Variants in PICALM observed in about 807,000 individuals in gnomAD.
The protein encoded by PICALM is phosphatidylinositol binding clathrin assembly protein, also known as phosphatidylinositol-binding clathrin assembly protein.
Under a neutral mutation model 80.5 loss-of-function variants are expected in PICALM, and 40 were observed. The ratio of observed to expected loss-of-function variants is 0.50; its 90% CI spans 0.39 to 0.65. The LOEUF (loss-of-function observed/expected upper bound fraction) is 0.65, where lower values mean the gene tolerates loss of function less well. Among genes scored for constraint, PICALM ranks in the 30% least tolerant of loss-of-function variants. The pLI is 0.00. For missense variants in PICALM, 676 were observed against 778.9 expected (o/e 0.87, Z 1.57); for synonymous variants, 288 against 260.3 (o/e 1.11, Z -1.02).
At chr11:85,969,372 T>C (rs770174206) in intron 19 of PICALM, among the ~76,000 whole-genome samples, 5 of 152,158 alleles carry the variant, frequency 3.3e-5, no homozygotes, top group Non-Finnish European at 5.9e-5. Flanking sequence ...AGGAAGAATT[T>C]TGGGAACAGC....
intron 12 of PICALM, among the ~76,000 whole-genome samples, chr11:85,993,240 C>T (rs556884800): frequency 6.6e-6 from 1 of 152,052 alleles, no homozygotes; most frequent in Non-Finnish European, 1.5e-5. Context: ...GTGTATGGCA[C>T]CATGCCTGGC....
At chr11:85,974,355 T>C (rs1252131112) in intron 19 of PICALM, 2 of 417,322 alleles carry the variant, frequency 4.8e-6, no homozygotes, top group Admixed American at 2.7e-5. Context: ...TTCTAGCCAT[T>C]AGCCAAGGAA....
intron 1 of PICALM, among the ~76,000 whole-genome samples, chr11:86,063,568 A>C (rs2096400608): frequency 1.3e-5 from 2 of 152,196 alleles, no homozygotes; most frequent in Non-Finnish European, 2.9e-5. Context: ...TTAACTAGAC[A>C]TATCTGGGAG....
At chr11:85,985,416 C>G (rs935328039) in intron 13 of PICALM, among the ~76,000 whole-genome samples, 1 of 152,134 alleles carries the variant, frequency 6.6e-6, no homozygotes, top group Non-Finnish European at 1.5e-5. Flanking sequence ...TTCTGTAGCG[C>G]ACACATTTTT....
chr11:86,067,676 T>C (rs1823859252), intron 1 of PICALM, among the ~76,000 whole-genome samples: 2 of 152,204 alleles, frequency 1.3e-5, no homozygotes, highest in African/African-American at 2.4e-5. Context: ...ATGTATGTTA[T>C]TTGTAAGTAA....
At chr11:86,040,593 T>C (rs1289803819) in intron 1 of PICALM, among the ~76,000 whole-genome samples, 3 of 152,226 alleles carry the variant, frequency 2.0e-5, no homozygotes, top group Non-Finnish European at 4.4e-5. Flanking sequence ...ATCCCTAACA[T>C]TTACATATTT....
chr11:86,031,536 T>C lies in PICALM; in HGVS notation c.206A>G (p.Asn69Ser), dbSNP rs1355269529. ...TTTGAAGACCACCACCCAACTACTA[T>C]TAGTAGTTCTTTCAAATAAACTGTC... is the stretch of plus-strand genomic sequence containing the variant. Reference protein sequence around the residue: ...LADSLFERTTNSSWVVVFKSL... With the variant: ...LADSLFERTTSSSWVVVFKSL... The change falls in exon 2 of 20, where the codon AAT becomes AGT. Residue 69 changes from asparagine to serine, a missense_variant. Coordinates refer to ENST00000393346, the MANE Select transcript of PICALM (RefSeq NM_007166.4). 19 of 1,595,432 alleles carry C rather than the reference T, an allele frequency of 1.2e-5. No individual in the cohort carries two copies. Among genetic ancestry groups the C allele is most frequent in the Non-Finnish European group, 1.6e-5 (19 of 1,163,538 alleles).
Position 86,014,911 on chromosome 11 carries a change from G to T in PICALM, c.505C>A (p.Pro169Thr). The T allele has an allele frequency of 6.3e-7, 1 of 1,591,078 alleles. No homozygotes were observed. The highest frequency in any genetic ancestry group is 8.6e-7 in the Non-Finnish European group (1 of 1,164,858). The change falls in exon 5 of 20, where the codon CCA becomes ACA. Residue 169 changes from proline (P) to threonine (T), a missense_variant. By Grantham distance (38) the Pro-to-Thr change is conservative (BLOSUM62 -1). This residue lies in a region of PICALM where 285 missense variants were observed against 395.4 expected (regional missense o/e 0.72). Coordinates refer to ENST00000393346, the MANE Select transcript of PICALM (RefSeq NM_007166.4). ...GCATCCATCTGATTCTGAATAATTG[G>T]TACAGTTTTTAGGAGTTTTTCTGTG... ...MNTEKLLKTV[P>T]IIQNQMDALL...
chr11:86,029,756 C>T lies in PICALM; in HGVS notation c.273+1713G>A, dbSNP rs189804829. On this transcript the variant is annotated intron_variant, in intron 2 of 19. Transcript: ENST00000393346. The stretch of plus-strand genomic sequence containing the variant: ...GAAAAGTACATACACGCTTGGAATT[C>T]TTCAGAATAATCATAATCTTAACTA... Among the ~76,000 whole-genome samples, 25 of 152,308 alleles carry T rather than the reference C, an allele frequency of 1.6e-4. No homozygotes were observed. In the East Asian group the frequency reaches 4.8e-3, roughly 29 times the overall value.
At chr11:86,011,854 T>G (rs1375349540) in intron 6 of PICALM, among the ~76,000 whole-genome samples, 1 of 150,258 alleles carries the variant, frequency 6.7e-6, no homozygotes, top group East Asian at 1.9e-4. Flanking sequence ...CCTTTTTGTT[T>G]TTTTTTTTTT....
Position 86,040,003 on chromosome 11 carries a change from CA to C in PICALM, c.131-8393del, listed in dbSNP as rs752086947. The stretch of plus-strand genomic sequence containing the variant: ...TGGGCGACAGAGCATGACGCCGTCT[CA>C]AAAAAAAAAAAAAAAAAAAAAAAGG... On this transcript the variant is annotated intron_variant, in intron 1 of 19. Transcript: ENST00000393346. 9.0e-3 allele frequency among the ~76,000 whole-genome samples: 480 copies of C among 53,396 alleles called. 1 individual carries two copies. Among genetic ancestry groups the C allele is most frequent in the African/African-American group, 0.029 (369 of 12,754 alleles). The allele number at this position is 53,396 out of a possible 152,430, so 35.0% of individuals were successfully genotyped here. A position where few individuals can be genotyped will look rare whatever the true frequency, so the allele number is the denominator to read the frequency against.
At chr11:86,042,682 A>G (rs1463232215) in intron 1 of PICALM, among the ~76,000 whole-genome samples, 2 of 150,154 alleles carry the variant, frequency 1.3e-5, no homozygotes, top group African/African-American at 4.9e-5. Context: ...AAAATCTAGT[A>G]CTGGATCAGA....
Position 86,068,888 on chromosome 11 carries a change from C to A in PICALM, c.-108G>T. ...ACCGCACCCCCTACCCCCACCGGCT[C>A]CTTCCCCGCCTGCCGGCCTGGGGCG... On this transcript the variant is annotated 5_prime_UTR_variant, in exon 1 of 20. Coordinates refer to ENST00000393346, the MANE Select transcript of PICALM (RefSeq NM_007166.4). 1 of 1,395,032 alleles carries A rather than the reference C, an allele frequency of 7.2e-7. No individual in the cohort carries two copies. Among genetic ancestry groups the A allele is most frequent in the Non-Finnish European group, 9.4e-7 (1 of 1,063,160 alleles). The allele number at this position is 1,395,032 out of a possible 1,614,324, so 86.4% of individuals were successfully genotyped here.
Position 85,986,365 on chromosome 11 carries a change from A to ATTTTTTTTTTTTTTTT in PICALM, c.1409-2408_1409-2393dup, listed in dbSNP as rs775072780. Among the ~76,000 whole-genome samples the ATTTTTTTTTTTTTTTT allele has an allele frequency of 2.2e-4, 16 of 73,748 alleles. 1 individual carries two copies. Among genetic ancestry groups the ATTTTTTTTTTTTTTTT allele is most frequent in the East Asian group, 5.6e-4 (1 of 1,800 alleles). 48.4% of individuals were successfully genotyped at this position (73,748 alleles called of 152,430 possible). ...AAACTATCAGGACTGCCAACTTTTA[A>ATTTTTTTTTTTTTTTT]TTTTTTTTTTTTTTTTTTTTTTTTT... On this transcript the variant is annotated intron_variant, in intron 13 of 19. Transcript: ENST00000393346.
intron 19 of PICALM, among the ~76,000 whole-genome samples, chr11:85,960,257 A>C (rs1424222596): frequency 6.6e-6 from 1 of 152,196 alleles, no homozygotes; most frequent in African/African-American, 2.4e-5. Context: ...GAAGACTATA[A>C]ACTCCCAAAG....
intron 3 of PICALM, chr11:86,023,626 A>G (rs932251115): frequency 4.2e-6 from 4 of 960,046 alleles, no homozygotes; most frequent in East Asian, 1.1e-4. Context: ...TCAGTCGCTA[A>G]TAAGACACAA....
At chr11:86,006,493 G>A (rs999576087) in intron 8 of PICALM, among the ~76,000 whole-genome samples, 2 of 151,996 alleles carry the variant, frequency 1.3e-5, no homozygotes, top group Admixed American at 6.6e-5. Context: ...CTAAAAATAC[G>A]AAAATTAGCT....
chr11:85,974,972 G>T (rs113239914), intron 18 of PICALM, among the ~76,000 whole-genome samples, 160 bp from the exon 19 acceptor site: 1 of 152,090 alleles, frequency 6.6e-6, no homozygotes, highest in African/African-American at 2.4e-5. Flanking sequence ...ACAAACTTTC[G>T]AGAGTATTTT....
At chr11:86,007,038 G>T (rs1253595160) in intron 8 of PICALM, among the ~76,000 whole-genome samples, 2 of 152,084 alleles carry the variant, frequency 1.3e-5, no homozygotes, top group African/African-American at 2.4e-5. Context: ...AAGTCACAGG[G>T]CCAGCTAATG....
Sources: gnomAD v4.1 joint callset for allele counts (sites outside exome capture counted in the v4.1 genomes callset) on GRCh38, gnomAD v4.1.1 for gene constraint, gnomAD v4.1.1 regional missense constraint, MANE v1.5 for transcripts, NCBI Gene and HGNC (gene_info 2026-07-23, HGNC 2026-07-21) for gene names.